CCDC141: variants seen among roughly 807,000 people sequenced by gnomAD.
CCDC141 encodes the protein coiled-coil domain containing 141, also known as coiled-coil domain-containing protein 141.
CCDC141 carries 168 observed loss-of-function variants against 181.0 expected under a neutral mutation model. The observed-to-expected ratio is 0.93, with a 90% CI of 0.82 to 1.05. The LOEUF (loss-of-function observed/expected upper bound fraction) is 1.05. Among genes scored for constraint, CCDC141 ranks in the 50% least tolerant of loss-of-function variants. The pLI is 0.00. For synonymous variants in CCDC141, 666 were observed against 642.3 expected, an observed-to-expected ratio of 1.04 and a Z score of -0.56; for missense variants, 1,902 against 1,788.5, an observed-to-expected ratio of 1.06 and a Z score of -1.14.
chr2:178,858,443 T>TAAC (rs1553473159), intron 17 of CCDC141, among the ~76,000 whole-genome samples: 4 of 151,738 alleles, frequency 2.6e-5, no homozygotes, highest in African/African-American at 7.3e-5. Flanking sequence ...ATATAATAAG[T>TAAC]ACATCTGAGG....
intron 14 of CCDC141, among the ~76,000 whole-genome samples, chr2:178,870,808 T>C (rs1449438627): frequency 6.6e-6 from 1 of 152,198 alleles, no homozygotes; most frequent in African/African-American, 2.4e-5. Flanking sequence ...AGAAGTATAA[T>C]GTGACTAGCA....
At chr2:178,864,599 T>C (rs1685765356) in intron 17 of CCDC141, among the ~76,000 whole-genome samples, 1 of 152,188 alleles carries the variant, frequency 6.6e-6, no homozygotes, top group African/African-American at 2.4e-5. Context: ...CCCTCCTGTT[T>C]AACAGAATCC....
chr2:178,912,236 G>A (rs983902329), intron 7 of CCDC141, among the ~76,000 whole-genome samples: 4 of 152,136 alleles, frequency 2.6e-5, no homozygotes, highest in Non-Finnish European at 5.9e-5. Context: ...AGCAGAATGT[G>A]CTTACTGCCA....
At chr2:179,037,477 CCT>C (rs1469955763) in intron 2 of CCDC141, among the ~76,000 whole-genome samples, 1 of 152,198 alleles carries the variant, frequency 6.6e-6, no homozygotes, top group East Asian at 1.9e-4. Context: ...TATGAAATTT[CCT>C]CTAATATGTA....
At chr2:178,996,185 C>T (rs1480317959) in intron 2 of CCDC141, among the ~76,000 whole-genome samples, 2 of 151,192 alleles carry the variant, frequency 1.3e-5, no homozygotes, top group Non-Finnish European at 2.9e-5. Context: ...CTCCCAGATT[C>T]TCCTGCCTCA....
chr2:178,846,825 C>T (rs964862321), intron 21 of CCDC141, among the ~76,000 whole-genome samples: 3 of 152,148 alleles, frequency 2.0e-5, no homozygotes, highest in Non-Finnish European at 4.4e-5. Flanking sequence ...ATTTGGAAAT[C>T]ACTGGAGATA....
intron 7 of CCDC141, 39 bp from the exon 8 acceptor site, chr2:178,905,540 G>C: frequency 6.6e-7 from 1 of 1,515,546 alleles, no homozygotes; most frequent in Non-Finnish European, 8.8e-7. Context: ...TGCTTCTCTA[G>C]TTTAAAATCT....
At chr2:178,884,328 A>C (rs983055362) in intron 11 of CCDC141, among the ~76,000 whole-genome samples, 1 of 152,078 alleles carries the variant, frequency 6.6e-6, no homozygotes, top group African/African-American at 2.4e-5. Flanking sequence ...ACACACAGAA[A>C]AACTGCTTTG....
intron 2 of CCDC141, among the ~76,000 whole-genome samples, chr2:178,981,568 T>C (rs978873613): frequency 1.8e-4 from 26 of 148,322 alleles, no homozygotes; most frequent in Admixed American, 6.8e-5. Context: ...ATATGATGTA[T>C]CAAAATTTTT....
intron 8 of CCDC141, among the ~76,000 whole-genome samples, chr2:178,902,527 T>C (rs1304880401): frequency 1.3e-5 from 2 of 152,140 alleles, no homozygotes; most frequent in East Asian, 3.9e-4. Flanking sequence ...ATTTAATAAA[T>C]GGTGCTGGGA....
chr2:178,955,950 A>G, intron 5 of CCDC141, among the ~76,000 whole-genome samples: 1 of 152,258 alleles, frequency 6.6e-6, no homozygotes, highest in Non-Finnish European at 1.5e-5. Context: ...TCTGAGCATG[A>G]CATTGCGGGG....
intron 1 of CCDC141, 130 bp downstream of exon 1, chr2:179,049,710 G>A: frequency 4.5e-6 from 4 of 879,834 alleles, no homozygotes; most frequent in South Asian, 2.0e-5. Flanking sequence ...ATTTTAGAAA[G>A]CAGTAAGAGT....
intron 6 of CCDC141, among the ~76,000 whole-genome samples, chr2:178,924,084 T>C (rs1204262631): frequency 6.6e-6 from 1 of 152,220 alleles, no homozygotes; most frequent in Non-Finnish European, 1.5e-5. Flanking sequence ...AAAACTTCCC[T>C]GTGTATGAGG....
intron 2 of CCDC141, among the ~76,000 whole-genome samples, chr2:178,991,846 A>T (rs73041989): frequency 0.12 from 17,741 of 151,822 alleles, 1,357 homozygotes; most frequent in African/African-American, 0.21. Flanking sequence ...TAACATAATT[A>T]TATAATATTA....
At chr2:178,989,720 A>C (rs1366344368) in intron 2 of CCDC141, among the ~76,000 whole-genome samples, 1 of 150,456 alleles carries the variant, frequency 6.6e-6, no homozygotes, top group African/African-American at 2.5e-5. Context: ...AAAGATATAT[A>C]AATGGCAAAC....
At chr2:179,012,629 C>T (rs2042302751) in intron 2 of CCDC141, among the ~76,000 whole-genome samples, 1 of 152,064 alleles carries the variant, frequency 6.6e-6, no homozygotes, top group Non-Finnish European at 1.5e-5. Context: ...GCCAGCATTA[C>T]CCTAATACCA....
intron 5 of CCDC141, among the ~76,000 whole-genome samples, chr2:178,951,877 A>G (rs1489070847): frequency 6.6e-6 from 1 of 152,210 alleles, no homozygotes; most frequent in African/African-American, 2.4e-5. Flanking sequence ...CTGAGAGTGA[A>G]TATGGTCACA....
At chr2:179,049,717 G>T in intron 1 of CCDC141, 123 bp downstream of exon 1, 1 of 988,566 alleles carries the variant, frequency 1.0e-6, no homozygotes, top group Non-Finnish European at 1.5e-6. Context: ...AAAGCAGTAA[G>T]AGTGCTTGCT....
At chr2:178,835,062 C>T (rs1684423818) in intron 23 of CCDC141, among the ~76,000 whole-genome samples, 1 of 152,154 alleles carries the variant, frequency 6.6e-6, no homozygotes, top group South Asian at 2.1e-4. Flanking sequence ...ACCATTTGCT[C>T]ATAGTAACAA....
Sources: gnomAD v4.1 joint callset for allele counts (sites outside exome capture counted in the v4.1 genomes callset) on GRCh38, gnomAD v4.1.1 for gene constraint, MANE v1.5 for transcripts, NCBI Gene and HGNC (gene_info 2026-07-23, HGNC 2026-07-21) for gene names.